OGG1: variants seen among roughly 807,000 people sequenced by gnomAD.
OGG1 encodes the protein 8-oxoguanine DNA glycosylase.
Under a neutral mutation model 42.3 loss-of-function variants are expected in OGG1, and 35 were observed. The ratio of observed to expected loss-of-function variants is 0.83; its 90% CI spans 0.63 to 1.10. The LOEUF is 1.10. OGG1 is among the 50% of genes least tolerant of loss of function. OGG1 has a pLI of 0.00. For missense variants in OGG1, 484 were observed against 446.7 expected, an observed-to-expected ratio of 1.08 and a Z score of -0.75; for synonymous variants, 189 against 179.0, an observed-to-expected ratio of 1.06 and a Z score of -0.44.
downstream of OGG1, among the ~76,000 whole-genome samples, chr3:9,769,540 G>GC (rs936942675): frequency 1.1e-4 from 16 of 152,124 alleles, no homozygotes; most frequent in East Asian, 7.7e-4. Flanking sequence ...CACTCCGCAA[G>GC]CCCCCCCACC....
In OGG1 at chr3:9,750,966, A is replaced by C. The variant is rs983615295; in HGVS notation, c.159A>C (p.Ala53=). 3 of 1,613,968 alleles carry C rather than the reference A, an allele frequency of 1.9e-6. No individual in the cohort carries two copies. The African/African-American group carries it at 4.0e-5, about 22-fold the overall frequency. The change falls in exon 2 of 7, where the codon GCA becomes GCC. Residue 53 remains alanine (A), a synonymous_variant. Coordinates refer to ENST00000344629, the MANE Select transcript of OGG1 (RefSeq NM_002542.6). ...TCAGGTGGAGGGAGCAAAGTCCTGC[A>C]CACTGGAGTGGTGTACTAGCGGATC... ...QSFRWREQSP[A]HWSGVLADQV...
At chr3:9,767,019 C>T (rs1415204357), downstream of OGG1, among the ~76,000 whole-genome samples, 1 of 152,134 alleles carries the variant, frequency 6.6e-6, no homozygotes, top group Non-Finnish European at 1.5e-5. Context: ...ATTTTAAGCT[C>T]CATCACACTC....
At chr3:9,764,321 G>A (rs1341888644) in intron 7 of OGG1, among the ~76,000 whole-genome samples, 1 of 152,052 alleles carries the variant, frequency 6.6e-6, no homozygotes, top group Non-Finnish European at 1.5e-5. Flanking sequence ...TTGAGACGGA[G>A]TTTTACTCTT....
chr3:9,763,993 AATAT>A (rs146785722), intron 7 of OGG1, among the ~76,000 whole-genome samples: 4 of 152,002 alleles, frequency 2.6e-5, no homozygotes, highest in Non-Finnish European at 4.4e-5. Context: ...TCTCAAAAAA[AATAT>A]ATATATATAG....
At chr3:9,772,217 A>C (rs1411235789) in intron 2 of OGG1, among the ~76,000 whole-genome samples, 1 of 152,052 alleles carries the variant, frequency 6.6e-6, no homozygotes, top group African/African-American at 2.4e-5. Flanking sequence ...CATTATCTTT[A>C]CTTTCTTAGT....
At chr3:9,784,752 C>T (rs1293959174) in intron 3 of OGG1, among the ~76,000 whole-genome samples, 1 of 151,728 alleles carries the variant, frequency 6.6e-6, no homozygotes. Flanking sequence ...GTAATCACAG[C>T]TACTTGGTGG....
intron 2 of OGG1, among the ~76,000 whole-genome samples, chr3:9,776,203 T>C (rs966875142): frequency 1.3e-5 from 2 of 152,084 alleles, no homozygotes; most frequent in African/African-American, 4.8e-5. Context: ...TACTTCTCTC[T>C]AAGCAGGCCA....
chr3:9,751,256 T>A (rs1179121985), intron 2 of OGG1, 64 bp downstream of exon 2: 1 of 1,551,944 alleles, frequency 6.4e-7, no homozygotes, highest in African/African-American at 1.4e-5. Context: ...TATGACTCAG[T>A]TTTGCCACCT....
chr3:9,773,847 C>A (rs1389395717), intron 2 of OGG1, among the ~76,000 whole-genome samples: 1 of 152,052 alleles, frequency 6.6e-6, no homozygotes, highest in Non-Finnish European at 1.5e-5. Flanking sequence ...TGTGTACCAC[C>A]ATACCTGGCT....
chr3:9,763,152 G>A, intron 7 of OGG1: 4 of 1,614,106 alleles, frequency 2.5e-6, no homozygotes, highest in Non-Finnish European at 2.5e-6. Context: ...TGCATGATGA[G>A]GTAGAGGTGG....
chr3:9,755,465 C>CTT lies in OGG1; in HGVS notation c.747+596_747+597dup, dbSNP rs60075191. On this transcript the variant is annotated intron_variant, in intron 4 of 6. Coordinates refer to ENST00000344629, the MANE Select transcript of OGG1 (RefSeq NM_002542.6). ...AGATGACTGGAAATTAGGCATTTGT[C>CTT]TTTTTTTTTTTTTTTTTGAGGTGGA... is the stretch of plus-strand genomic sequence containing the variant. Among the ~76,000 whole-genome samples, 588 of 136,362 alleles carry CTT rather than the reference C, an allele frequency of 4.3e-3. 3 individuals are homozygous for CTT. The highest frequency in any genetic ancestry group is 0.012 in the African/African-American group (452 of 36,722). The allele number at this position is 136,362 out of a possible 152,430, so 89.5% of individuals were successfully genotyped here. A position where few individuals can be genotyped will look rare whatever the true frequency, so the allele number is the denominator to read the frequency against.
chr3:9,754,577 G>A, intron 3 of OGG1, 127 bp from the exon 4 acceptor site: 1 of 960,490 alleles, frequency 1.0e-6, no homozygotes, highest in South Asian at 1.4e-5. Context: ...CTATCCCATA[G>A]AGGGTGGGGA....
chr3:9,761,330 T>C (rs2077858617), downstream of OGG1: 1 of 863,330 alleles, frequency 1.2e-6, no homozygotes, highest in Non-Finnish European at 1.8e-6. Context: ...GTAATACTGG[T>C]AATTGATTGG....
intron 2 of OGG1, among the ~76,000 whole-genome samples, chr3:9,772,586 A>C (rs560414413): frequency 4.1e-4 from 62 of 152,274 alleles, no homozygotes; most frequent in African/African-American, 1.5e-3. Flanking sequence ...CAGCTTTCCA[A>C]TTAAACACAG....
intron 7 of OGG1, chr3:9,763,335 G>T: frequency 8.5e-7 from 1 of 1,176,522 alleles, no homozygotes; most frequent in Middle Eastern, 2.7e-4. Flanking sequence ...CAAAGCTGCA[G>T]TCTGTTATGA....
chr3:9,787,246 T>A (rs1331303990), intron 3 of OGG1: 2 of 1,614,228 alleles, frequency 1.2e-6, no homozygotes, highest in Admixed American at 1.7e-5. Context: ...TTTCTTCTTG[T>A]CAGCCACAGC....
At chr3:9,783,405 C>G (rs1276995428) in intron 3 of OGG1, 1 of 151,616 alleles carries the variant, frequency 6.6e-6, no homozygotes, top group Non-Finnish European at 1.5e-5. Context: ...CTGCAACCTC[C>G]GCCTCCCAGG....
chr3:9,780,452 G>C (rs770394657), intron 2 of OGG1: 1 of 1,611,800 alleles, frequency 6.2e-7, no homozygotes, highest in Non-Finnish European at 8.5e-7. Flanking sequence ...TTCTTCTGCC[G>C]GGCAGCCATG....
At chr3:9,750,548 C>G (rs1246181085) in intron 1 of OGG1, 125 bp downstream of exon 1, 21 of 1,387,354 alleles carry the variant, frequency 1.5e-5, no homozygotes, top group Non-Finnish European at 2.1e-5. Context: ...AAAGAGGAAA[C>G]AAGCACGGGT....
Sources: gnomAD v4.1 joint callset for allele counts (sites outside exome capture counted in the v4.1 genomes callset) on GRCh38, gnomAD v4.1.1 for gene constraint, MANE v1.5 for transcripts, NCBI Gene and HGNC (gene_info 2026-07-23, HGNC 2026-07-21) for gene names.